SLC22A16: variants seen among roughly 807,000 people sequenced by gnomAD.
SLC22A16 encodes the protein WUGSC:RG331P03.1.
SLC22A16 carries 53 observed loss-of-function variants against 52.9 expected under a neutral mutation model. That is an observed-to-expected ratio of 1.00 (90% CI 0.80 to 1.26). The LOEUF is 1.26. Among genes scored for constraint, SLC22A16 ranks in the 50% most tolerant of loss-of-function variants. SLC22A16 has a pLI of 0.00. For missense variants in SLC22A16, 726 were observed against 704.0 expected, an observed-to-expected ratio of 1.03 and a Z score of -0.35; for synonymous variants, 291 against 268.8, an observed-to-expected ratio of 1.08 and a Z score of -0.81.
intron 4 of SLC22A16, among the ~76,000 whole-genome samples, chr6:110,441,497 T>C (rs1774961856): frequency 6.6e-6 from 1 of 152,198 alleles, no homozygotes; most frequent in South Asian, 2.1e-4. Context: ...AGGGGGGCCA[T>C]GGTCCTGTCA....
At chr6:110,434,569 G>A (rs755528459) in intron 6 of SLC22A16, among the ~76,000 whole-genome samples, 49 of 142,398 alleles carry the variant, frequency 3.4e-4, no homozygotes, top group Non-Finnish European at 6.0e-4. Flanking sequence ...TAAAAGCTTG[G>A]AAGTCCCTGA....
At chr6:110,425,287 A>C in intron 7 of SLC22A16, 1 of 1,505,000 alleles carries the variant, frequency 6.6e-7, no homozygotes, top group Non-Finnish European at 8.9e-7. Context: ...TAATCTCATC[A>C]CTCACTCATT....
intron 7 of SLC22A16, among the ~76,000 whole-genome samples, chr6:110,425,644 T>C (rs1378314321): frequency 1.3e-5 from 2 of 152,248 alleles, no homozygotes; most frequent in Non-Finnish European, 1.5e-5. Flanking sequence ...ATTGCTACTT[T>C]ATGGGGCAGG....
intron 1 of SLC22A16, among the ~76,000 whole-genome samples, chr6:110,473,315 C>A (rs542730044): frequency 6.6e-6 from 1 of 152,196 alleles, no homozygotes; most frequent in African/African-American, 2.4e-5. Context: ...CTCCTCTTAA[C>A]CCAGGACAAC....
intron 2 of SLC22A16, among the ~76,000 whole-genome samples, chr6:110,455,053 A>T (rs1775594748): frequency 7.6e-6 from 1 of 131,300 alleles, no homozygotes; most frequent in South Asian, 2.2e-4. Flanking sequence ...TTATTTATAT[A>T]TTATATATAT....
intron 7 of SLC22A16, among the ~76,000 whole-genome samples, chr6:110,429,342 C>T (rs1014263268): frequency 1.1e-4 from 17 of 152,102 alleles, no homozygotes; most frequent in Non-Finnish European, 1.9e-4. Flanking sequence ...GCGCCTGCTC[C>T]GGGGACATGG....
intron 6 of SLC22A16, among the ~76,000 whole-genome samples, chr6:110,432,763 T>C (rs58642561): frequency 0.049 from 7,417 of 152,326 alleles, 592 homozygotes; most frequent in African/African-American, 0.17. Flanking sequence ...TTATTCTGCC[T>C]GTCTGCTACT....
intron 1 of SLC22A16, among the ~76,000 whole-genome samples, chr6:110,473,235 C>T (rs541469251): frequency 3.3e-5 from 5 of 152,244 alleles, no homozygotes; most frequent in Middle Eastern, 6.8e-3. Context: ...CAAAACAAAA[C>T]CCTACCTCTA....
chr6:110,433,003 T>G (rs570338927), intron 6 of SLC22A16, among the ~76,000 whole-genome samples: 38 of 152,336 alleles, frequency 2.5e-4, no homozygotes, highest in African/African-American at 8.7e-4. Flanking sequence ...ACTAGCCAGA[T>G]GCCTTTGGCC....
chr6:110,456,637 T>C lies in SLC22A16; in HGVS notation c.434A>G (p.Asn145Ser). ...TWKSTAVTQW[N>S]LVCDRKWLAM... is the part of the protein sequence containing the mutation. ...AAGCCATTTTCGGTCACAGACCAGGTTCCACTGGGTCACCGCAGTGCTTTT... is the reference window on the plus strand; with the variant it reads ...AAGCCATTTTCGGTCACAGACCAGGCTCCACTGGGTCACCGCAGTGCTTTT... Residue 145 changes from asparagine (N) to serine (S), a missense_variant, in exon 2 of 8, where the codon AAC (asparagine) becomes AGC (serine). Physicochemically the swap from Asn to Ser is conservative, Grantham distance 46 (BLOSUM62 1). Coordinates refer to ENST00000368919, the MANE Select transcript of SLC22A16 (RefSeq NM_033125.4). The C allele has an allele frequency of 1.9e-6, 3 of 1,614,188 alleles. No homozygotes were observed. Among genetic ancestry groups the C allele is most frequent in the Non-Finnish European group, 2.5e-6 (3 of 1,180,024 alleles).
intron 7 of SLC22A16, 189 bp from the exon 8 acceptor site, chr6:110,425,274 G>T (rs1314347967): frequency 4.6e-6 from 7 of 1,515,494 alleles, no homozygotes; most frequent in Non-Finnish European, 5.3e-6. Context: ...CATCAACGAG[G>T]TTTAATCTCA....
In SLC22A16 at chr6:110,437,527, C is replaced by T. The variant is rs367560206; in HGVS notation, c.1311+1193G>A. On this transcript the variant is annotated intron_variant, in intron 5 of 7. Coordinates refer to ENST00000368919, the MANE Select transcript of SLC22A16 (RefSeq NM_033125.4). ...TCATTACATAAAATATTTGGCTCAC[C>T]GATCCTAAGCATTAAGTAAAGTGCT... Among the ~76,000 whole-genome samples, 15 of 152,218 alleles carry T rather than the reference C, an allele frequency of 9.9e-5. No individual in the cohort carries two copies. In the East Asian group the frequency reaches 1.7e-3, roughly 18 times the overall value.
At chr6:110,459,463 G>A (rs774255786) in intron 1 of SLC22A16, among the ~76,000 whole-genome samples, 10 of 152,106 alleles carry the variant, frequency 6.6e-5, no homozygotes, top group Non-Finnish European at 1.5e-4. Context: ...CCCCAGATTG[G>A]GGGTCATCTA....
intron 1 of SLC22A16, chr6:110,476,087 A>G: frequency 4.5e-6 from 2 of 445,690 alleles, no homozygotes; most frequent in Admixed American, 5.0e-5. Flanking sequence ...GCACAGAGGG[A>G]GGCCCTACGG....
chr6:110,442,703 C>A lies in SLC22A16; in HGVS notation c.724G>T (p.Ala242Ser), dbSNP rs376231006. ...AAAAAGGAATGCAAATGGACAGACG[C>A]CCATGTCCGAGACTTCATGCCAATG... ...EFIGMKSRTWASVHLHSFFAV... is the reference protein window; with the variant it reads ...EFIGMKSRTWSSVHLHSFFAV... The change falls in exon 4 of 8, where the codon GCG becomes TCG. Residue 242 changes from alanine (A) to serine (S), a missense_variant. Transcript: ENST00000368919. The A allele has an allele frequency of 6.2e-7, 1 of 1,613,984 alleles. No homozygotes were observed. The highest frequency in any genetic ancestry group is 8.5e-7 in the Non-Finnish European group (1 of 1,179,988).
chr6:110,471,743 TG>T (rs1366070809), intron 1 of SLC22A16, among the ~76,000 whole-genome samples: 2 of 152,262 alleles, frequency 1.3e-5, no homozygotes, highest in East Asian at 3.9e-4. Context: ...ATGATTTGGG[TG>T]GGGGTAACAC....
At chr6:110,442,810 T>C in intron 3 of SLC22A16, 35 bp from the exon 4 acceptor site, 1 of 1,584,962 alleles carries the variant, frequency 6.3e-7, no homozygotes, top group East Asian at 2.2e-5. Context: ...ATATTCAAGG[T>C]CACATTTATA....
chr6:110,469,206 T>G (rs1776178287), intron 1 of SLC22A16, among the ~76,000 whole-genome samples: 1 of 152,158 alleles, frequency 6.6e-6, no homozygotes, highest in Non-Finnish European at 1.5e-5. Context: ...GGCAGCTTAT[T>G]CAGCATTGTC....
chr6:110,446,440 C>T (rs970992158), intron 3 of SLC22A16, among the ~76,000 whole-genome samples: 5 of 152,190 alleles, frequency 3.3e-5, no homozygotes, highest in Admixed American at 6.6e-5. Context: ...TATTCAAACT[C>T]GTGCCCTTTC....
Sources: allele counts gnomAD v4.1 joint callset (sites outside exome capture counted in the v4.1 genomes callset), GRCh38; gene constraint gnomAD v4.1.1; transcripts MANE v1.5; gene names NCBI Gene and HGNC (gene_info 2026-07-23, HGNC 2026-07-21).